ZNF521: variants seen among roughly 807,000 people sequenced by gnomAD.
ZNF521 encodes zinc finger protein 521.
A neutral mutation model predicts 105.5 loss-of-function variants in ZNF521; 14 were observed. That is an observed-to-expected ratio of 0.13 (90% CI 0.09 to 0.21). The LOEUF is 0.21. Ranked by LOEUF, ZNF521 falls within the 10% of genes least tolerant of loss-of-function variation. The pLI, the probability that ZNF521 is intolerant of heterozygous loss-of-function variation, is 1.00. For missense variants in ZNF521, 1,233 were observed against 1,629.7 expected (o/e 0.76, Z 4.19); for synonymous variants, 635 against 606.0 (o/e 1.05, Z -0.70).
At chr18:25,067,956 CTTGT>C (rs2033113726) in intron 7 of ZNF521, among the ~76,000 whole-genome samples, 1 of 152,140 alleles carries the variant, frequency 6.6e-6, no homozygotes, top group Non-Finnish European at 1.5e-5. Flanking sequence ...TTTACCATGA[CTTGT>C]TTATTTATAG....
intron 3 of ZNF521, among the ~76,000 whole-genome samples, chr18:25,265,073 T>C (rs945302445): frequency 3.4e-4 from 51 of 152,228 alleles, no homozygotes; most frequent in African/African-American, 1.1e-3. Flanking sequence ...TAGGTTCCCT[T>C]CTAAAACTGT....
intron 3 of ZNF521, among the ~76,000 whole-genome samples, chr18:25,305,354 CTG>C (rs1467450652): frequency 6.6e-6 from 1 of 152,118 alleles, no homozygotes; most frequent in African/African-American, 2.4e-5. Flanking sequence ...ATAGATAATT[CTG>C]TGTTACTAAA....
In ZNF521 at chr18:25,281,754, T is replaced by C. The variant is rs190557877; in HGVS notation, c.220+40254A>G. ...CTCAGGCAATGTGACTTGCCTTCCA[T>C]GAATGCGATGAAACACAATCTTACC... On this transcript the variant is annotated intron_variant, in intron 3 of 7. Coordinates refer to ENST00000361524, the MANE Select transcript of ZNF521 (RefSeq NM_015461.3). Among the ~76,000 whole-genome samples, 391 of 152,328 alleles carry C rather than the reference T, an allele frequency of 2.6e-3. 7 individuals are homozygous for C. Among genetic ancestry groups the C allele is most frequent in the Middle Eastern group, 6.8e-3 (2 of 294 alleles).
At chr18:25,252,977 G>A (rs1390139712) in intron 3 of ZNF521, among the ~76,000 whole-genome samples, 2 of 150,278 alleles carry the variant, frequency 1.3e-5, no homozygotes, top group African/African-American at 5.0e-5. Context: ...TTATCCATAA[G>A]GCAAACCAAC....
intron 5 of ZNF521, among the ~76,000 whole-genome samples, chr18:25,153,878 C>T (rs1321513849): frequency 6.6e-6 from 1 of 152,170 alleles, no homozygotes; most frequent in Non-Finnish European, 1.5e-5. Flanking sequence ...ATATCAAGAA[C>T]ACAACAAAAC....
intron 7 of ZNF521, among the ~76,000 whole-genome samples, chr18:25,078,664 T>C (rs1239540159): frequency 6.6e-6 from 1 of 152,266 alleles, no homozygotes; most frequent in Non-Finnish European, 1.5e-5. Context: ...GCATCACATC[T>C]GTTAAATGCA....
intron 4 of ZNF521, among the ~76,000 whole-genome samples, chr18:25,218,259 G>C (rs373481336): frequency 2.0e-5 from 3 of 152,130 alleles, no homozygotes; most frequent in African/African-American, 7.2e-5. Context: ...AAAATGATGA[G>C]ACTCAAGTCA....
chr18:25,145,194 C>G (rs2034920674), intron 5 of ZNF521, among the ~76,000 whole-genome samples: 1 of 152,090 alleles, frequency 6.6e-6, no homozygotes, highest in South Asian at 2.1e-4. Flanking sequence ...GGCCATTGTC[C>G]ACTATGTGTT....
chr18:25,294,192 A>C (rs1163462021), intron 3 of ZNF521, among the ~76,000 whole-genome samples: 1 of 152,230 alleles, frequency 6.6e-6, no homozygotes, highest in Non-Finnish European at 1.5e-5. Context: ...AATGATTTTT[A>C]AATGATAAAA....
intron 4 of ZNF521, among the ~76,000 whole-genome samples, chr18:25,221,578 G>A (rs142405446): frequency 6.6e-6 from 1 of 152,292 alleles, no homozygotes; most frequent in East Asian, 1.9e-4. Context: ...TCAGCAAGAA[G>A]AAGAGATGAA....
intron 3 of ZNF521, among the ~76,000 whole-genome samples, chr18:25,268,828 C>G (rs1909444005): frequency 6.6e-6 from 1 of 152,132 alleles, no homozygotes; most frequent in Non-Finnish European, 1.5e-5. Flanking sequence ...CAAAAACATA[C>G]CTAACTGTAA....
chr18:25,179,362 A>G (rs2035591708), intron 5 of ZNF521, among the ~76,000 whole-genome samples: 1 of 150,956 alleles, frequency 6.6e-6, no homozygotes, highest in Non-Finnish European at 1.5e-5. Context: ...TATGCCTTAT[A>G]CTTCTATACA....
At chr18:25,297,991 C>G (rs1167135058) in intron 3 of ZNF521, among the ~76,000 whole-genome samples, 8 of 152,114 alleles carry the variant, frequency 5.3e-5, no homozygotes, top group Admixed American at 5.2e-4. Context: ...TTACTGGGGA[C>G]TCTCTATGTA....
intron 3 of ZNF521, among the ~76,000 whole-genome samples, chr18:25,311,333 G>T (rs573637809): frequency 6.8e-6 from 1 of 147,968 alleles, no homozygotes; most frequent in Non-Finnish European, 1.5e-5. Flanking sequence ...TAAAGGTCAC[G>T]AGCATCGTAA....
In ZNF521 at chr18:25,240,723, C is replaced by T. The variant is rs147989424; in HGVS notation, c.221-13026G>A. ...TAAAATTACATACTGGATCCATCCT[C>T]AGGCCAATTAAATCAGACTCTCTGA... On this transcript the variant is annotated intron_variant, in intron 3 of 7. Transcript: ENST00000361524. 4.2e-3 allele frequency among the ~76,000 whole-genome samples: 638 copies of T among 152,102 alleles called. 6 individuals carry two copies. Among genetic ancestry groups the T allele is most frequent in the Non-Finnish European group, 6.2e-3 (424 of 67,972 alleles).
chr18:25,310,761 T>G (rs941562624), intron 3 of ZNF521, among the ~76,000 whole-genome samples: 1 of 152,170 alleles, frequency 6.6e-6, no homozygotes, highest in Non-Finnish European at 1.5e-5. Flanking sequence ...ACTATGATTC[T>G]ACATTCTAAC....
chr18:25,260,513 T>C (rs1280855848), intron 3 of ZNF521, among the ~76,000 whole-genome samples: 1 of 152,158 alleles, frequency 6.6e-6, no homozygotes, highest in African/African-American at 2.4e-5. Context: ...GGAAAACATG[T>C]TTCAACTTCA....
chr18:25,281,367 G>C (rs1741115012), intron 3 of ZNF521, among the ~76,000 whole-genome samples: 1 of 152,176 alleles, frequency 6.6e-6, no homozygotes, highest in Admixed American at 6.5e-5. Context: ...AAGGCAAGTG[G>C]GAGGGTCTTG....
chr18:25,116,572 C>T (rs180744514), intron 5 of ZNF521, among the ~76,000 whole-genome samples: 1 of 152,126 alleles, frequency 6.6e-6, no homozygotes, highest in East Asian at 1.9e-4. Flanking sequence ...CCTACTAGAG[C>T]AAACCTCTTG....
Sources: allele counts gnomAD v4.1 joint callset (sites outside exome capture counted in the v4.1 genomes callset), GRCh38; gene constraint gnomAD v4.1.1; transcripts MANE v1.5; gene names NCBI Gene and HGNC (gene_info 2026-07-23, HGNC 2026-07-21).